Variants in ADAMTS17 observed in about 807,000 individuals in gnomAD.
ADAMTS17 encodes the protein ADAM metallopeptidase with thrombospondin type 1 motif 17, also known as A disintegrin and metalloproteinase with thrombospondin motifs 17.
In ADAMTS17, 113 loss-of-function variants were observed where a neutral mutation model predicts 141.5. That is an observed-to-expected ratio of 0.80 (90% CI 0.69 to 0.93). The LOEUF is 0.93. Ranked by LOEUF, ADAMTS17 falls within the 40% of genes least tolerant of loss-of-function variation. The pLI is 0.00. For synonymous variants in ADAMTS17, 768 were observed against 630.6 expected, an observed-to-expected ratio of 1.22 and a Z score of -3.27; for missense variants, 1,659 against 1,517.9, an observed-to-expected ratio of 1.09 and a Z score of -1.54.
intron 3 of ADAMTS17, among the ~76,000 whole-genome samples, chr15:100,326,541 G>A (rs953849406): frequency 1.3e-5 from 2 of 152,140 alleles, no homozygotes; most frequent in Non-Finnish European, 2.9e-5. Flanking sequence ...TTAACTGTGT[G>A]GGCTGTAATA....
chr15:100,337,566 G>C (rs2046244704), intron 2 of ADAMTS17, among the ~76,000 whole-genome samples: 1 of 152,232 alleles, frequency 6.6e-6, no homozygotes, highest in Non-Finnish European at 1.5e-5. Context: ...GAGCTCCTTG[G>C]TGGTCTGTCT....
chr15:100,096,292 C>G, intron 15 of ADAMTS17, 64 bp downstream of exon 15: 3 of 1,606,070 alleles, frequency 1.9e-6, no homozygotes, highest in Non-Finnish European at 2.5e-6. Context: ...AGACTGCAAT[C>G]AATAGCTGTA....
chr15:100,125,257 C>G (rs1241137721), intron 12 of ADAMTS17, among the ~76,000 whole-genome samples: 3 of 152,224 alleles, frequency 2.0e-5, no homozygotes, highest in African/African-American at 7.2e-5. Context: ...AAGGCCTCCT[C>G]TGAAAGGTGT....
intron 3 of ADAMTS17, among the ~76,000 whole-genome samples, chr15:100,313,115 T>C (rs912172087): frequency 2.6e-5 from 4 of 152,216 alleles, no homozygotes; most frequent in Non-Finnish European, 4.4e-5. Flanking sequence ...ATAGCTTCCA[T>C]GGTTCATAAA....
chr15:100,268,819 C>G (rs959588681), intron 4 of ADAMTS17, among the ~76,000 whole-genome samples: 1 of 152,074 alleles, frequency 6.6e-6, no homozygotes, highest in African/African-American at 2.4e-5. Context: ...GCAGAACAGC[C>G]AAAGCAATCC....
chr15:100,279,026 C>G (rs371427659), intron 4 of ADAMTS17, among the ~76,000 whole-genome samples: 1 of 152,224 alleles, frequency 6.6e-6, no homozygotes, highest in African/African-American at 2.4e-5. Flanking sequence ...GCCACCACAG[C>G]CCCAGCTACA....
intron 18 of ADAMTS17, among the ~76,000 whole-genome samples, chr15:100,019,337 C>T (rs911005638): frequency 6.6e-6 from 1 of 152,114 alleles, no homozygotes; most frequent in African/African-American, 2.4e-5. Flanking sequence ...AAAGGACTTC[C>T]AACGTATCTG....
chr15:100,273,377 A>G (rs2043978402), intron 4 of ADAMTS17, among the ~76,000 whole-genome samples: 2 of 152,286 alleles, frequency 1.3e-5, no homozygotes, highest in South Asian at 4.1e-4. Context: ...CAGTTACCTT[A>G]CTAATTATGA....
intron 8 of ADAMTS17, among the ~76,000 whole-genome samples, chr15:100,178,157 A>T (rs1021787890): frequency 6.6e-5 from 10 of 152,282 alleles, no homozygotes; most frequent in African/African-American, 2.4e-4. Context: ...GTATTTTTTT[A>T]GATCATTGAA....
chr15:100,032,009 T>C (rs1371954524), intron 18 of ADAMTS17, among the ~76,000 whole-genome samples: 1 of 152,208 alleles, frequency 6.6e-6, no homozygotes, highest in Non-Finnish European at 1.5e-5. Flanking sequence ...AGGTGTCCTG[T>C]CTATACGCGG....
intron 15 of ADAMTS17, among the ~76,000 whole-genome samples, chr15:100,082,624 T>G (rs1202793456): frequency 6.6e-6 from 1 of 152,060 alleles, no homozygotes; most frequent in African/African-American, 2.4e-5. Flanking sequence ...ATATTTTTAA[T>G]TTTTGAGATC....
At chr15:100,011,637 C>T (rs1308788519) in intron 18 of ADAMTS17, among the ~76,000 whole-genome samples, 10 of 152,188 alleles carry the variant, frequency 6.6e-5, no homozygotes, top group Admixed American at 2.0e-4. Flanking sequence ...TTATTTGATC[C>T]TTGCATTGAT....
At chr15:100,223,169 G>A (rs559260791) in intron 7 of ADAMTS17, among the ~76,000 whole-genome samples, 14 of 152,326 alleles carry the variant, frequency 9.2e-5, no homozygotes, top group African/African-American at 3.4e-4. Flanking sequence ...GGAGACAAAA[G>A]GACATGGTGG....
At chr15:100,313,295 G>A (rs1166451813) in intron 3 of ADAMTS17, among the ~76,000 whole-genome samples, 1 of 152,146 alleles carries the variant, frequency 6.6e-6, no homozygotes, top group Non-Finnish European at 1.5e-5. Flanking sequence ...CAAACAGAAT[G>A]CAATAACACT....
At chr15:100,118,208 A>C (rs1396613154) in intron 12 of ADAMTS17, among the ~76,000 whole-genome samples, 1 of 152,220 alleles carries the variant, frequency 6.6e-6, no homozygotes, top group East Asian at 1.9e-4. Context: ...TGTGGCACAA[A>C]AGCAGCTAGA....
At chr15:100,041,430 C>T (rs924249455) in intron 18 of ADAMTS17, among the ~76,000 whole-genome samples, 12 of 152,192 alleles carry the variant, frequency 7.9e-5, no homozygotes, top group African/African-American at 1.4e-4. Context: ...GTCTGTGCTC[C>T]GGGACGTGTC....
At position 99,993,567 on chromosome 15, in the gene ADAMTS17, G is replaced by C. The variant is rs924637469; in HGVS notation, c.2797-367C>G. Among the ~76,000 whole-genome samples the C allele has an allele frequency of 1.3e-5, 2 of 152,192 alleles. No individual in the cohort carries two copies. Among genetic ancestry groups the C allele is most frequent in the Admixed American group, 6.5e-5 (1 of 15,282 alleles). On this transcript the variant is annotated intron_variant, in intron 19 of 21. Transcript: ENST00000268070. This position sits in a 1 kb window ranked among gnomAD's most constrained non-coding sequence, Gnocchi z 4.3. The stretch of plus-strand genomic sequence containing the variant: ...GAGCCATGAGTGGGGCAGGGAACAG[G>C]GGCCAGCCGGAGCAAGGTGAGGCCC...
chr15:100,180,591 C>T (rs2040489742), intron 8 of ADAMTS17, among the ~76,000 whole-genome samples: 1 of 152,126 alleles, frequency 6.6e-6, no homozygotes, highest in Admixed American at 6.5e-5. Flanking sequence ...TGCACTGAAT[C>T]TGTAGATTGC....
At chr15:100,226,603 G>A (rs537288362) in intron 7 of ADAMTS17, among the ~76,000 whole-genome samples, 54 of 152,340 alleles carry the variant, frequency 3.5e-4, no homozygotes, top group African/African-American at 1.3e-3. Context: ...CTCTCTCACT[G>A]CATTTGCAGA....
Sources: allele counts gnomAD v4.1 joint callset (sites outside exome capture counted in the v4.1 genomes callset), GRCh38; gene constraint gnomAD v4.1.1; non-coding constraint Gnocchi (gnomAD v3.1); transcripts MANE v1.5; gene names NCBI Gene and HGNC (gene_info 2026-07-23, HGNC 2026-07-21).